NDST3: variants seen among roughly 807,000 people sequenced by gnomAD.
NDST3 encodes the protein bifunctional heparan sulfate N-deacetylase/N-sulfotransferase 3.
NDST3 carries 58 observed loss-of-function variants against 96.1 expected under a neutral mutation model. That is an observed-to-expected ratio of 0.60 (90% CI 0.49 to 0.75). NDST3 has a LOEUF of 0.75. Ranked by LOEUF, NDST3 falls within the 30% of genes least tolerant of loss-of-function variation. The pLI is 0.00. For synonymous variants in NDST3, 333 were observed against 359.7 expected (o/e 0.93, Z 0.84); for missense variants, 788 against 1,034.2 (o/e 0.76, Z 3.27).
At chr4:118,075,778 C>A (rs1286103909) in intron 2 of NDST3, among the ~76,000 whole-genome samples, 1 of 152,178 alleles carries the variant, frequency 6.6e-6, no homozygotes, top group African/African-American at 2.4e-5. Context: ...TGTTTAAGTT[C>A]TTTGTAGATT....
chr4:118,193,909 T>C (rs761611807), intron 6 of NDST3: 26 of 969,398 alleles, frequency 2.7e-5, no homozygotes, highest in Non-Finnish European at 3.8e-5. Context: ...TCTTATATTA[T>C]AGTAAAGCTT....
At chr4:118,129,606 A>G (rs939171260) in intron 4 of NDST3, among the ~76,000 whole-genome samples, 2 of 152,108 alleles carry the variant, frequency 1.3e-5, no homozygotes, top group Admixed American at 6.6e-5. Context: ...ATGACCTAAC[A>G]TATGGTCTAT....
At chr4:118,087,714 G>A (rs887959594) in intron 2 of NDST3, among the ~76,000 whole-genome samples, 3 of 152,022 alleles carry the variant, frequency 2.0e-5, no homozygotes, top group Non-Finnish European at 2.9e-5. Flanking sequence ...GTCAAACCTT[G>A]CATACAAGGT....
At chr4:118,095,462 A>G (rs1729219670) in intron 2 of NDST3, among the ~76,000 whole-genome samples, 1 of 151,868 alleles carries the variant, frequency 6.6e-6, no homozygotes, top group Non-Finnish European at 1.5e-5. Flanking sequence ...CATGTATTGC[A>G]AATAATTTTG....
intron 4 of NDST3, among the ~76,000 whole-genome samples, chr4:118,122,349 G>A (rs943473032): frequency 1.3e-5 from 2 of 152,132 alleles, no homozygotes; most frequent in Admixed American, 1.3e-4. Context: ...ATTCTGAGAG[G>A]TGGTTATAAA....
intron 6 of NDST3, chr4:118,194,173 A>T: frequency 1.3e-6 from 1 of 799,464 alleles, no homozygotes; most frequent in South Asian, 1.3e-5. Flanking sequence ...CCCTCTCCAG[A>T]CCATAAGGCA....
intron 6 of NDST3, among the ~76,000 whole-genome samples, chr4:118,213,309 G>A (rs1738927364): frequency 6.6e-6 from 1 of 152,166 alleles, no homozygotes; most frequent in Admixed American, 6.5e-5. Context: ...CCAGGGCACT[G>A]AGCCAGTGTG....
At chr4:118,142,676 T>C (rs904535493) in intron 5 of NDST3, among the ~76,000 whole-genome samples, 1 of 152,158 alleles carries the variant, frequency 6.6e-6, no homozygotes, top group Non-Finnish European at 1.5e-5. Flanking sequence ...TACTCATTAA[T>C]GTTCTGCTAC....
intron 2 of NDST3, among the ~76,000 whole-genome samples, chr4:118,080,660 A>T (rs1266875074): frequency 6.6e-6 from 1 of 152,092 alleles, no homozygotes; most frequent in Non-Finnish European, 1.5e-5. Flanking sequence ...CCTCATGGTG[A>T]TGTTATGTGC....
intron 6 of NDST3, among the ~76,000 whole-genome samples, chr4:118,178,968 A>G (rs1286122912): frequency 6.6e-6 from 1 of 152,024 alleles, no homozygotes; most frequent in African/African-American, 2.4e-5. Context: ...TGGATGCTGG[A>G]AGAAGGCATG....
At chr4:118,116,693 TA>T (rs1212215452) in intron 4 of NDST3, among the ~76,000 whole-genome samples, 1 of 151,754 alleles carries the variant, frequency 6.6e-6, no homozygotes, top group African/African-American at 2.4e-5. Flanking sequence ...CTGTCTCTAC[TA>T]AAAAATACAA....
chr4:118,081,737 G>A (rs1411629303), intron 2 of NDST3, among the ~76,000 whole-genome samples: 1 of 152,072 alleles, frequency 6.6e-6, no homozygotes, highest in Admixed American at 6.6e-5. Flanking sequence ...ACTTCCTGAT[G>A]CTTGTTACAA....
intron 6 of NDST3, among the ~76,000 whole-genome samples, chr4:118,197,940 C>T (rs1737808741): frequency 6.6e-6 from 1 of 151,686 alleles, no homozygotes; most frequent in Non-Finnish European, 1.5e-5. Flanking sequence ...GCTGAGACTA[C>T]AGACACACAC....
intron 6 of NDST3, among the ~76,000 whole-genome samples, chr4:118,162,894 A>C (rs1157896052): frequency 1.3e-4 from 19 of 148,852 alleles, no homozygotes; most frequent in African/African-American, 3.7e-4. Flanking sequence ...GAACTCAAAC[A>C]AATTTACAAG....
chr4:118,157,270 T>C (rs1734772163), intron 6 of NDST3, among the ~76,000 whole-genome samples: 1 of 151,936 alleles, frequency 6.6e-6, no homozygotes, highest in South Asian at 2.1e-4. Context: ...ATAATAAAAG[T>C]GTTTTGTTAA....
chr4:118,153,955 T>C (rs1208924523), intron 6 of NDST3, among the ~76,000 whole-genome samples: 1 of 152,130 alleles, frequency 6.6e-6, no homozygotes, highest in Non-Finnish European at 1.5e-5. Flanking sequence ...TTGTTAGCAG[T>C]AGTTATCCTA....
chr4:118,107,501 C>T (rs913156888), intron 3 of NDST3, among the ~76,000 whole-genome samples: 1 of 151,990 alleles, frequency 6.6e-6, no homozygotes, highest in Non-Finnish European at 1.5e-5. Flanking sequence ...TCAAGATACA[C>T]TGAAAAATCA....
At chr4:118,089,716 T>C (rs1461588350) in intron 2 of NDST3, among the ~76,000 whole-genome samples, 1 of 151,952 alleles carries the variant, frequency 6.6e-6, no homozygotes, top group East Asian at 1.9e-4. Context: ...CTGGAGTGTA[T>C]TCCCAACATC....
chr4:118,181,537 T>C (rs952806062), intron 6 of NDST3, among the ~76,000 whole-genome samples: 17 of 152,166 alleles, frequency 1.1e-4, no homozygotes, highest in African/African-American at 3.9e-4. Flanking sequence ...GAAGCTCCCA[T>C]GGGAGAAGCA....
Sources: allele counts gnomAD v4.1 joint callset (sites outside exome capture counted in the v4.1 genomes callset), GRCh38; gene constraint gnomAD v4.1.1; transcripts MANE v1.5; gene names NCBI Gene and HGNC (gene_info 2026-07-23, HGNC 2026-07-21).